Variants in GFRAL observed in about 807,000 individuals in gnomAD.
GFRAL encodes the protein GDNF family receptor alpha-like.
GFRAL carries 36 observed loss-of-function variants against 45.4 expected under a neutral mutation model. The observed-to-expected ratio is 0.79, with a 90% CI of 0.61 to 1.05. The LOEUF (loss-of-function observed/expected upper bound fraction) is 1.05, where lower values mean the gene tolerates loss of function less well. Ranked by LOEUF, GFRAL falls within the 50% of genes least tolerant of loss-of-function variation. The pLI is 0.00. For synonymous variants in GFRAL, 166 were observed against 154.1 expected (o/e 1.08, Z -0.57); for missense variants, 507 against 467.5 (o/e 1.08, Z -0.78).
At chr6:55,378,352 G>A (rs1052866444) in intron 6 of GFRAL, among the ~76,000 whole-genome samples, 8 of 151,966 alleles carry the variant, frequency 5.3e-5, no homozygotes, top group Admixed American at 3.3e-4. Context: ...GAAAGGTTAC[G>A]GTATTATAAA....
chr6:55,393,634 GAAGT>G (rs1298304972), intron 6 of GFRAL, among the ~76,000 whole-genome samples: 4 of 152,190 alleles, frequency 2.6e-5, no homozygotes, highest in Admixed American at 2.6e-4. Context: ...AAACTAAAAG[GAAGT>G]AAGAGAAAGA....
At chr6:55,332,748 A>G (rs899331234) in intron 2 of GFRAL, among the ~76,000 whole-genome samples, 16 of 152,266 alleles carry the variant, frequency 1.1e-4, no homozygotes, top group African/African-American at 3.6e-4. Flanking sequence ...GAAAAAATAT[A>G]TATATTTTGA....
intron 6 of GFRAL, among the ~76,000 whole-genome samples, chr6:55,365,038 C>A (rs1167128195): frequency 6.7e-6 from 1 of 149,932 alleles, no homozygotes; most frequent in Non-Finnish European, 1.5e-5. Flanking sequence ...GCAGTATGGC[C>A]ATTTTCACAA....
intron 5 of GFRAL, among the ~76,000 whole-genome samples, chr6:55,356,389 T>C (rs1217532810): frequency 3.3e-5 from 5 of 151,948 alleles, no homozygotes; most frequent in Admixed American, 3.3e-4. Flanking sequence ...TCTCATTACT[T>C]GTTATTGGTC....
rs76203628 is a variant in GFRAL, at chr6:55,355,396, T to G, written c.702-3492T>G. Among the ~76,000 whole-genome samples, 1,208 of 152,156 alleles carry G rather than the reference T, an allele frequency of 7.9e-3. 31 individuals are homozygous for G. The highest frequency in any genetic ancestry group is 0.05 in the East Asian group (256 of 5,160). ...CTCAAATGTTTGAATGGCTATAGAG[T>G]ATGCCATTGCATGGATGTAGCTTAA... is the stretch of plus-strand genomic sequence containing the variant. On this transcript the variant is annotated intron_variant, in intron 5 of 8. Transcript: ENST00000340465.
intron 3 of GFRAL, among the ~76,000 whole-genome samples, chr6:55,347,168 A>G (rs1768055000): frequency 6.6e-6 from 1 of 152,136 alleles, no homozygotes; most frequent in South Asian, 2.1e-4. Context: ...AGAGTCTATG[A>G]ATCCAGGAGA....
At position 55,342,067 on chromosome 6, in the gene GFRAL, TGG is replaced by T. The variant is rs1253775700; in HGVS notation, c.317-8022_317-8021del. Reference sequence around the variant, plus strand: ...ATCTGATTGGTGTACCTGAAAGTGATGGGGAAAATGGAACCAAGTTGGAAAAC... The same window carrying T: ...ATCTGATTGGTGTACCTGAAAGTGATGGAAAATGGAACCAAGTTGGAAAAC... On this transcript the variant is annotated intron_variant, in intron 3 of 8. Transcript: ENST00000340465. Among the ~76,000 whole-genome samples, 4 of 152,196 alleles carry T rather than the reference TGG, an allele frequency of 2.6e-5. No individual in the cohort carries two copies. The South Asian group carries it at 8.3e-4, about 31-fold the overall frequency.
At chr6:55,344,781 T>C (rs1581903924) in intron 3 of GFRAL, among the ~76,000 whole-genome samples, 2 of 152,156 alleles carry the variant, frequency 1.3e-5, no homozygotes, top group Non-Finnish European at 2.9e-5. Context: ...TGACTGTATA[T>C]TTAGAAAATC....
intron 6 of GFRAL, among the ~76,000 whole-genome samples, chr6:55,369,774 T>C (rs1261129243): frequency 6.6e-6 from 1 of 152,226 alleles, no homozygotes; most frequent in African/African-American, 2.4e-5. Context: ...TTATAAATAA[T>C]ATGGAACATC....
intron 6 of GFRAL, among the ~76,000 whole-genome samples, chr6:55,377,243 C>G (rs895837622): frequency 7.9e-5 from 12 of 151,986 alleles, no homozygotes; most frequent in Non-Finnish European, 1.8e-4. Context: ...GACAATTCTC[C>G]ATATTTTAAA....
chr6:55,400,981 T>G (rs187644461), intron 8 of GFRAL, among the ~76,000 whole-genome samples: 8 of 152,246 alleles, frequency 5.3e-5, no homozygotes, highest in Admixed American at 5.2e-4. Context: ...ATGATCCCAC[T>G]GGTTTTTAGA....
rs199858147 is a variant in GFRAL, at chr6:55,358,071, CT to C, written c.702-814del. Among the ~76,000 whole-genome samples the C allele has an allele frequency of 6.1e-4, 92 of 151,586 alleles. 2 individuals carry two copies. The East Asian group carries it at 0.018, about 29-fold the overall frequency. The stretch of plus-strand genomic sequence containing the variant: ...TCATTATTATATTTAAAAGCTTATC[CT>C]TTAAGATGAGTTAAATATTTAATTA... On this transcript the variant is annotated intron_variant, in intron 5 of 8. Transcript: ENST00000340465.
At chr6:55,388,967 A>G (rs937644786) in intron 6 of GFRAL, among the ~76,000 whole-genome samples, 4 of 152,062 alleles carry the variant, frequency 2.6e-5, no homozygotes, top group African/African-American at 9.7e-5. Flanking sequence ...AGCCCATTAT[A>G]ATGTTGTTTA....
chr6:55,369,090 C>G (rs772369332), intron 6 of GFRAL, among the ~76,000 whole-genome samples: 2 of 149,572 alleles, frequency 1.3e-5, no homozygotes, highest in African/African-American at 2.5e-5. Flanking sequence ...TAGCAATCAG[C>G]GAGACTCCGT....
intron 6 of GFRAL, among the ~76,000 whole-genome samples, chr6:55,397,520 G>T: frequency 4.4e-5 from 2 of 45,286 alleles, no homozygotes; most frequent in Admixed American, 4.3e-4. Flanking sequence ...GCGAGACTCC[G>T]TCTCAAAAAA....
At chr6:55,399,040 C>A in intron 6 of GFRAL, 140 bp from the exon 7 acceptor site, 3 of 501,268 alleles carry the variant, frequency 6.0e-6, no homozygotes, top group Non-Finnish European at 7.1e-6. Flanking sequence ...AAAATTGTTC[C>A]TAGTTTTATT....
intron 6 of GFRAL, among the ~76,000 whole-genome samples, chr6:55,369,572 T>A (rs1768422109): frequency 6.6e-6 from 1 of 151,038 alleles, no homozygotes; most frequent in African/African-American, 2.4e-5. Context: ...ATGCAATTGT[T>A]TTTACAGACA....
At chr6:55,334,282 T>G (rs1047621261) in intron 3 of GFRAL, among the ~76,000 whole-genome samples, 5 of 152,192 alleles carry the variant, frequency 3.3e-5, no homozygotes, top group Non-Finnish European at 7.3e-5. Context: ...ATTTGTGGAG[T>G]TTATTGTGGC....
intron 2 of GFRAL, among the ~76,000 whole-genome samples, chr6:55,332,260 G>A (rs900518149): frequency 2.0e-5 from 3 of 152,084 alleles, no homozygotes; most frequent in Non-Finnish European, 2.9e-5. Flanking sequence ...AATGTACAAT[G>A]TATATTCTTG....
Sources: allele counts gnomAD v4.1 joint callset (sites outside exome capture counted in the v4.1 genomes callset), GRCh38; gene constraint gnomAD v4.1.1; transcripts MANE v1.5; gene names NCBI Gene and HGNC (gene_info 2026-07-23, HGNC 2026-07-21).